KCNIP4: variants seen among roughly 807,000 people sequenced by gnomAD.
KCNIP4 encodes the protein potassium voltage-gated channel interacting protein 4, also known as Kv channel-interacting protein 4.
In KCNIP4, 12 loss-of-function variants were observed where a neutral mutation model predicts 34.0. That is an observed-to-expected ratio of 0.35 (90% confidence interval 0.23 to 0.57). The LOEUF is 0.57. KCNIP4 is among the 20% of genes least tolerant of loss of function. KCNIP4 has a pLI of 0.83. For missense variants in KCNIP4, 238 were observed against 311.7 expected (o/e 0.76, Z 1.78); for synonymous variants, 124 against 102.2 (o/e 1.21, Z -1.29).
At chr4:21,007,935 G>T (rs566872519) in intron 1 of KCNIP4, among the ~76,000 whole-genome samples, 30 of 152,194 alleles carry the variant, frequency 2.0e-4, no homozygotes, top group Non-Finnish European at 3.5e-4. Flanking sequence ...AGAACAGTTA[G>T]TTTAATTGGA....
chr4:21,005,579 T>C (rs962330637), intron 1 of KCNIP4, among the ~76,000 whole-genome samples: 42 of 152,310 alleles, frequency 2.8e-4, no homozygotes, highest in African/African-American at 9.4e-4. Context: ...TCTACCATTT[T>C]TTTTTCTACA....
chr4:21,422,874 G>A (rs1725601796), intron 1 of KCNIP4, among the ~76,000 whole-genome samples: 1 of 152,164 alleles, frequency 6.6e-6, no homozygotes, highest in Non-Finnish European at 1.5e-5. Context: ...AGAGTCCCAA[G>A]AAATGTTGTG....
intron 3 of KCNIP4, among the ~76,000 whole-genome samples, chr4:20,804,732 T>G (rs1035021182): frequency 1.3e-5 from 2 of 152,174 alleles, no homozygotes; most frequent in Non-Finnish European, 2.9e-5. Flanking sequence ...TTAGGAAAAG[T>G]AGAAATGTAT....
At chr4:21,147,342 G>A (rs926223715) in intron 1 of KCNIP4, among the ~76,000 whole-genome samples, 5 of 152,044 alleles carry the variant, frequency 3.3e-5, no homozygotes, top group Non-Finnish European at 5.9e-5. Flanking sequence ...CAGAGAGACC[G>A]TAGCTTTCCT....
rs60320651 is a variant in KCNIP4, at chr4:20,779,225, C to T, written c.289-20335G>A. Among the ~76,000 whole-genome samples the T allele has an allele frequency of 8.9e-3, 1,359 of 152,066 alleles. 18 individuals are homozygous for T. Among genetic ancestry groups the T allele is most frequent in the African/African-American group, 0.03 (1,255 of 41,482 alleles). Reference sequence around the variant, plus strand: ...TAATACAGATCAAATTCCTCTGTCCCGTGAGAAAATGAGACAGTTCTGTAG... The same window carrying T: ...TAATACAGATCAAATTCCTCTGTCCTGTGAGAAAATGAGACAGTTCTGTAG... On this transcript the variant is annotated intron_variant, in intron 3 of 8. Transcript: ENST00000382152.
intron 1 of KCNIP4, among the ~76,000 whole-genome samples, chr4:20,984,987 G>C (rs1312485215): frequency 6.6e-6 from 1 of 152,172 alleles, no homozygotes; most frequent in Non-Finnish European, 1.5e-5. Flanking sequence ...AGGTGTGCTA[G>C]TCCAAACCAC....
At chr4:21,146,132 C>A (rs1220976592) in intron 1 of KCNIP4, among the ~76,000 whole-genome samples, 3 of 152,306 alleles carry the variant, frequency 2.0e-5, no homozygotes, top group African/African-American at 7.2e-5. Context: ...GGCGCAGTGG[C>A]TCACGCCTGT....
At chr4:21,672,757 T>G (rs942414352) in intron 1 of KCNIP4, among the ~76,000 whole-genome samples, 1 of 152,222 alleles carries the variant, frequency 6.6e-6, no homozygotes, top group Admixed American at 6.5e-5. Flanking sequence ...TCACAGTTCT[T>G]GTGGGTCAGG....
At chr4:21,586,261 A>AAATT (rs1311654704) in intron 1 of KCNIP4, among the ~76,000 whole-genome samples, 1 of 152,102 alleles carries the variant, frequency 6.6e-6, no homozygotes, top group Non-Finnish European at 1.5e-5. Flanking sequence ...ATTCATTTTT[A>AAATT]AATTATATGT....
intron 1 of KCNIP4, among the ~76,000 whole-genome samples, chr4:21,197,261 T>G (rs992226350): frequency 1.3e-5 from 2 of 152,318 alleles, no homozygotes; most frequent in Non-Finnish European, 2.9e-5. Flanking sequence ...TATTTTCTTT[T>G]GGGTATATAA....
chr4:21,543,679 C>A (rs950386681), intron 1 of KCNIP4, among the ~76,000 whole-genome samples: 1 of 152,148 alleles, frequency 6.6e-6, no homozygotes, highest in Non-Finnish European at 1.5e-5. Flanking sequence ...CATAAGCAGA[C>A]AGTTGTAAAG....
At chr4:21,537,500 C>A (rs962784695) in intron 1 of KCNIP4, among the ~76,000 whole-genome samples, 1 of 152,080 alleles carries the variant, frequency 6.6e-6, no homozygotes, top group African/African-American at 2.4e-5. Flanking sequence ...GCCCTTGGCA[C>A]ATTGCGGAAA....
At position 21,254,373 on chromosome 4, in the gene KCNIP4, G is replaced by A. The variant is rs1048310854; in HGVS notation, c.62-371664C>T. ...TAGGGAGCATCACCTGAAGTACTGA[G>A]CATCTTATATGAGCATCACCTGGAG... On this transcript the variant is annotated intron_variant, in intron 1 of 8. Transcript: ENST00000382152. Among the ~76,000 whole-genome samples the A allele has an allele frequency of 2.0e-5, 3 of 152,048 alleles. No individual in the cohort carries two copies. In the South Asian group the frequency reaches 6.2e-4, roughly 32 times the overall value.
At chr4:20,942,837 A>T (rs1236044729) in intron 1 of KCNIP4, among the ~76,000 whole-genome samples, 2 of 151,458 alleles carry the variant, frequency 1.3e-5, no homozygotes, top group Non-Finnish European at 2.9e-5. Flanking sequence ...ATGCCCAGCT[A>T]ATTTTTGTAT....
chr4:21,860,719 G>C (rs1032239724), intron 1 of KCNIP4, among the ~76,000 whole-genome samples: 1 of 151,854 alleles, frequency 6.6e-6, no homozygotes, highest in Non-Finnish European at 1.5e-5. Flanking sequence ...TTAGAGCCCA[G>C]ATCTCAACAT....
chr4:20,813,883 T>C (rs1187383267), intron 3 of KCNIP4, among the ~76,000 whole-genome samples: 4 of 152,210 alleles, frequency 2.6e-5, no homozygotes, highest in Non-Finnish European at 4.4e-5. Flanking sequence ...CCGACAATTT[T>C]TCAGCCAGCA....
At chr4:21,722,668 C>T (rs1433975587) in intron 1 of KCNIP4, among the ~76,000 whole-genome samples, 3 of 152,048 alleles carry the variant, frequency 2.0e-5, no homozygotes, top group African/African-American at 7.2e-5. Context: ...GCAAATTTGG[C>T]AAGATCATAT....
intron 1 of KCNIP4, among the ~76,000 whole-genome samples, chr4:21,630,673 T>C (rs1745699471): frequency 6.6e-6 from 1 of 152,122 alleles, no homozygotes; most frequent in African/African-American, 2.4e-5. Flanking sequence ...TCGCTGCAGA[T>C]ACGATGATTG....
chr4:21,578,741 G>A (rs1429383851), intron 1 of KCNIP4, among the ~76,000 whole-genome samples: 1 of 152,048 alleles, frequency 6.6e-6, no homozygotes, highest in Non-Finnish European at 1.5e-5. Flanking sequence ...TGGCAACTGA[G>A]GGCAAGCAAA....
Sources: gnomAD v4.1 joint callset for allele counts (sites outside exome capture counted in the v4.1 genomes callset) on GRCh38, gnomAD v4.1.1 for gene constraint, MANE v1.5 for transcripts, NCBI Gene and HGNC (gene_info 2026-07-23, HGNC 2026-07-21) for gene names.